ESR1: variants seen among roughly 807,000 people sequenced by gnomAD.
ESR1 encodes the protein estrogen receptor.
ESR1 carries 12 observed loss-of-function variants against 52.7 expected under a neutral mutation model. The ratio of observed to expected loss-of-function variants is 0.23; its 90% CI spans 0.15 to 0.37. ESR1 has a LOEUF of 0.37. Ranked by LOEUF, ESR1 falls within the 10% of genes least tolerant of loss-of-function variation. ESR1 has a pLI of 1.00. For synonymous variants in ESR1, 305 were observed against 316.8 expected (o/e 0.96, Z 0.39); for missense variants, 584 against 779.7 (o/e 0.75, Z 2.99).
intron 3 of ESR1, among the ~76,000 whole-genome samples, chr6:151,909,281 A>C (rs553010395): frequency 1.3e-5 from 2 of 152,202 alleles, no homozygotes; most frequent in Non-Finnish European, 2.9e-5. Flanking sequence ...ACAGCGAGGC[A>C]AAAGAGTAGA....
chr6:151,686,395 A>G (rs1778675269), upstream of ESR1, among the ~76,000 whole-genome samples: 1 of 152,130 alleles, frequency 6.6e-6, no homozygotes, highest in African/African-American at 2.4e-5. Context: ...TATAAAAACC[A>G]GCACCTGGGG....
At chr6:151,711,569 A>G (rs1455466111) in intron 2 of ESR1, among the ~76,000 whole-genome samples, 1 of 152,198 alleles carries the variant, frequency 6.6e-6, no homozygotes. Flanking sequence ...GTGAGATGGT[A>G]TCTCATTGTG....
At chr6:151,964,582 T>C (rs1232926932) in intron 4 of ESR1, among the ~76,000 whole-genome samples, 2 of 152,190 alleles carry the variant, frequency 1.3e-5, no homozygotes, top group Admixed American at 6.6e-5. Flanking sequence ...AAAGTTTTGG[T>C]GTTTTCTGTA....
rs997125951 is a variant in ESR1 at position 152,102,201 on chromosome 6, G to A, written c.*3235G>A. ...GGGCTGAACAAATAAGGGACTTACT[G>A]ATAATTTACTTTTGATCACATTAAG... On this transcript the variant is annotated 3_prime_UTR_variant, in exon 8 of 8. Coordinates refer to ENST00000206249, the MANE Select transcript of ESR1 (RefSeq NM_000125.4). The A allele has an allele frequency of 3.4e-5, 7 of 208,512 alleles. No individual in the cohort carries two copies. Among genetic ancestry groups the A allele is most frequent in the African/African-American group, 1.6e-4 (7 of 43,942 alleles). 12.9% of individuals were successfully genotyped at this position (208,512 alleles called of 1,614,324 possible).
chr6:151,706,384 GCTGTTTCTGTTT>G, intron 2 of ESR1, among the ~76,000 whole-genome samples: 1 of 152,276 alleles, frequency 6.6e-6, no homozygotes. Context: ...GTGATCCACT[GCTGTTTCTGTTT>G]AACTTTCTTC....
intron 2 of ESR1, among the ~76,000 whole-genome samples, chr6:151,771,237 G>A (rs563677371): frequency 1.8e-4 from 27 of 152,290 alleles, no homozygotes; most frequent in African/African-American, 6.5e-4. Context: ...AAGAGCTATA[G>A]AATTGTATCC....
At chr6:152,028,552 A>T (rs2044366292) in intron 5 of ESR1, among the ~76,000 whole-genome samples, 1 of 152,164 alleles carries the variant, frequency 6.6e-6, no homozygotes, top group Non-Finnish European at 1.5e-5. Context: ...CATTGCTAGC[A>T]CAGCAGTCTG....
At chr6:151,880,627 A>T (rs370499721) in intron 2 of ESR1, 28 bp from the exon 3 acceptor site, 9 of 1,322,628 alleles carry the variant, frequency 6.8e-6, no homozygotes, top group African/African-American at 1.4e-5. Context: ...CTGAAATAAT[A>T]TTAATTCTGT....
chr6:151,898,250 C>T (rs1362840655), intron 3 of ESR1, among the ~76,000 whole-genome samples: 1 of 152,080 alleles, frequency 6.6e-6, no homozygotes, highest in East Asian at 1.9e-4. Flanking sequence ...TCTAATAAGG[C>T]TAAGGAAGTT....
chr6:151,868,995 C>T (rs1790465104), intron 2 of ESR1, among the ~76,000 whole-genome samples: 1 of 152,104 alleles, frequency 6.6e-6, no homozygotes, highest in African/African-American at 2.4e-5. Flanking sequence ...ACCGTCTTTT[C>T]TATTTTCTCC....
At chr6:151,850,041 T>TAAAA (rs1204715981) in intron 2 of ESR1, among the ~76,000 whole-genome samples, 4 of 50,586 alleles carry the variant, frequency 7.9e-5, no homozygotes, top group South Asian at 1.1e-3. Context: ...TATATATATA[T>TAAAA]AATTTTATAT....
chr6:151,752,763 T>C (rs1783994712), intron 2 of ESR1, among the ~76,000 whole-genome samples: 1 of 152,242 alleles, frequency 6.6e-6, no homozygotes, highest in African/African-American at 2.4e-5. Context: ...ATTCAGAAAC[T>C]ATTTATGAGG....
At position 152,079,961 on chromosome 6, in the gene ESR1, C is replaced by T. The variant is rs531237113; in HGVS notation, c.1370-14424C>T. On this transcript the variant is annotated intron_variant, in intron 6 of 7. Coordinates refer to ENST00000206249, the MANE Select transcript of ESR1 (RefSeq NM_000125.4). ...GAGAGAAAAGAAGAGTGAAAAGAAACGAACAAAGCCTCCAAGAAATATGGG... is the reference window on the plus strand; with the variant it reads ...GAGAGAAAAGAAGAGTGAAAAGAAATGAACAAAGCCTCCAAGAAATATGGG... 4.5e-3 allele frequency among the ~76,000 whole-genome samples: 685 copies of T among 152,132 alleles called. 6 individuals carry two copies. Among genetic ancestry groups the T allele is most frequent in the Non-Finnish European group, 6.4e-3 (436 of 67,996 alleles).
chr6:151,974,080 G>A (rs2039192727), intron 4 of ESR1, among the ~76,000 whole-genome samples: 1 of 152,056 alleles, frequency 6.6e-6, no homozygotes. Flanking sequence ...AAAATGAGGG[G>A]TCATCTGGGC....
intron 6 of ESR1, among the ~76,000 whole-genome samples, chr6:152,068,413 C>T (rs963183405): frequency 1.3e-5 from 2 of 152,134 alleles, no homozygotes; most frequent in African/African-American, 4.8e-5. Flanking sequence ...ACTGACCACA[C>T]AATTCATCTG....
intron 2 of ESR1, among the ~76,000 whole-genome samples, chr6:151,738,862 A>G (rs1261188676): frequency 2.0e-5 from 3 of 152,134 alleles, no homozygotes; most frequent in Non-Finnish European, 4.4e-5. Flanking sequence ...AATTAGCTTT[A>G]TATTGACTTG....
At chr6:152,024,882 A>G (rs532649977) in intron 5 of ESR1, among the ~76,000 whole-genome samples, 1 of 151,066 alleles carries the variant, frequency 6.6e-6, no homozygotes, top group South Asian at 2.1e-4. Context: ...TAAATATACT[A>G]GAAAGTCCAT....
rs552339616 is a variant in ESR1, at chr6:151,948,164, CATT to C, written c.1096+3657_1096+3659del. ...ATTTCAGCATCACACTCAATTGCAT[CATT>C]GAGTGGTTCATTCTTAGTTTCAGTG... On this transcript the variant is annotated intron_variant, in intron 4 of 7. Coordinates refer to ENST00000206249, the MANE Select transcript of ESR1 (RefSeq NM_000125.4). 2.7e-3 allele frequency among the ~76,000 whole-genome samples: 412 copies of C among 152,226 alleles called. 3 individuals carry two copies. Among genetic ancestry groups the C allele is most frequent in the African/African-American group, 9.3e-3 (386 of 41,538 alleles).
intron 4 of ESR1, among the ~76,000 whole-genome samples, chr6:151,982,292 A>T (rs13207246): frequency 6.6e-6 from 1 of 152,204 alleles, no homozygotes; most frequent in African/African-American, 2.4e-5. Context: ...ATGACTTTTT[A>T]AAGGCGCTTA....
Sources: allele counts gnomAD v4.1 joint callset (sites outside exome capture counted in the v4.1 genomes callset), GRCh38; gene constraint gnomAD v4.1.1; transcripts MANE v1.5; gene names NCBI Gene and HGNC (gene_info 2026-07-23, HGNC 2026-07-21).